Variants in OVOL2 observed in about 807,000 individuals in gnomAD.
OVOL2 encodes ovo like zinc finger 2, also known as transcription factor Ovo-like 2.
In OVOL2, 13 loss-of-function variants were observed where a neutral mutation model predicts 18.1. The observed-to-expected ratio is 0.72, with a 90% CI of 0.47 to 1.14. The LOEUF is 1.14. Among genes scored for constraint, OVOL2 ranks in the 50% most tolerant of loss-of-function variants. The pLI is 0.00. For synonymous variants in OVOL2, 166 were observed against 162.7 expected, an observed-to-expected ratio of 1.02 and a Z score of -0.16; for missense variants, 335 against 383.0, an observed-to-expected ratio of 0.87 and a Z score of 1.05.
chr20:18,041,431 C>A, intron 3 of OVOL2, 103 bp downstream of exon 3: 1 of 1,356,270 alleles, frequency 7.4e-7, no homozygotes, highest in Admixed American at 2.3e-5. Context: ...TCTAGAAACA[C>A]AACATTGTTC....
Position 18,056,530 on chromosome 20 carries a change from C to A in OVOL2, c.321+127G>T. ...CCCAGGGGCAGGTGCAGGAGCGGCG[C>A]GGCGGGCGCGCTCGGGGCGCGGGTG... is the stretch of plus-strand genomic sequence containing the variant. On this transcript the variant is annotated intron_variant, in intron 2 of 3. Coordinates refer to ENST00000278780, the MANE Select transcript of OVOL2 (RefSeq NM_021220.4). The surrounding 1 kb of genome is among the most constrained non-coding windows in gnomAD (Gnocchi z 4.2). 1 of 1,042,296 alleles carries A rather than the reference C, an allele frequency of 9.6e-7. No homozygotes were observed. Among genetic ancestry groups the A allele is most frequent in the Non-Finnish European group, 1.2e-6 (1 of 868,420 alleles). The allele number at this position is 1,042,296 out of a possible 1,614,324, so 64.6% of individuals were successfully genotyped here. A position where few individuals can be genotyped will look rare whatever the true frequency, so the allele number is the denominator to read the frequency against.
chr20:18,024,823 T>A lies in OVOL2; in HGVS notation c.641A>T (p.Tyr214Phe), dbSNP rs1190962010. Residue 214 changes from tyrosine to phenylalanine, a missense_variant, in exon 4 of 4, where the codon TAC (tyrosine) becomes TTC (phenylalanine). Transcript: ENST00000278780. ...YAYKQRRDKL[Y>F]VCEDCGYTGP... ...CGTGTAGCCGCAATCCTCGCAGACG[T>A]AGAGCTTGTCCCGCCGCTGCTTATA... is the stretch of plus-strand genomic sequence containing the variant. 6.2e-7 allele frequency: 1 copy of A among 1,614,168 alleles called. No homozygotes were observed. Among genetic ancestry groups the A allele is most frequent in the East Asian group, 2.2e-5 (1 of 44,888 alleles).
chr20:18,045,940 C>T (rs1356303302), intron 2 of OVOL2, among the ~76,000 whole-genome samples: 3 of 152,150 alleles, frequency 2.0e-5, no homozygotes, highest in Non-Finnish European at 4.4e-5. Context: ...CATTTCTCCC[C>T]ATTTCACAGC....
intron 3 of OVOL2, among the ~76,000 whole-genome samples, chr20:18,029,930 T>C (rs898930741): frequency 6.6e-6 from 1 of 152,144 alleles, no homozygotes; most frequent in African/African-American, 2.4e-5. Flanking sequence ...CAGTGAGCCA[T>C]GATCGCACCA....
chr20:18,043,817 T>C (rs1049148559), intron 2 of OVOL2, among the ~76,000 whole-genome samples: 1 of 152,214 alleles, frequency 6.6e-6, no homozygotes, highest in Non-Finnish European at 1.5e-5. Context: ...ATAAAAATGA[T>C]GTGTTCAATT....
chr20:18,058,611 A>G (rs980864566), upstream of OVOL2, among the ~76,000 whole-genome samples: 2 of 151,254 alleles, frequency 1.3e-5, no homozygotes, highest in Non-Finnish European at 2.9e-5. Flanking sequence ...TATTATGCAA[A>G]TGCAGCTTCA....
At chr20:18,026,040 C>T (rs2036511703) in intron 3 of OVOL2, among the ~76,000 whole-genome samples, 2 of 152,198 alleles carry the variant, frequency 1.3e-5, no homozygotes, top group African/African-American at 4.8e-5. Flanking sequence ...AAAATCATTT[C>T]CAAACAAGAT....
intron 2 of OVOL2, among the ~76,000 whole-genome samples, chr20:18,048,778 G>A (rs1053953363): frequency 7.2e-5 from 11 of 152,108 alleles, no homozygotes; most frequent in South Asian, 2.1e-4. Context: ...CCTATCTCCC[G>A]TGACAGTGAA....
intron 3 of OVOL2, among the ~76,000 whole-genome samples, chr20:18,028,330 C>T (rs2036538337): frequency 1.3e-5 from 2 of 152,040 alleles, no homozygotes; most frequent in South Asian, 4.2e-4. Context: ...GTGCCCGCCA[C>T]AACAGCCATC....
upstream of OVOL2, among the ~76,000 whole-genome samples, chr20:18,058,410 C>CT (rs1043299847): frequency 1.4e-5 from 2 of 147,944 alleles, no homozygotes; most frequent in Non-Finnish European, 3.0e-5. Context: ...CAACACCCCC[C>CT]CCCCATAAGC....
intron 3 of OVOL2, among the ~76,000 whole-genome samples, chr20:18,031,274 T>C (rs1189001470): frequency 6.6e-6 from 1 of 152,210 alleles, no homozygotes; most frequent in Non-Finnish European, 1.5e-5. Context: ...GTCATAGCTC[T>C]TGCATGGCTG....
In OVOL2 at chr20:18,041,527, C is replaced by G; in HGVS notation, c.511+7G>C. Reference sequence around the variant, plus strand: ...AACAGAGAACAAAGCACGCACTCCCCGCTCACCTGTGTGTGTGCGGACGTG... The same window carrying G: ...AACAGAGAACAAAGCACGCACTCCCGGCTCACCTGTGTGTGTGCGGACGTG... On this transcript the variant is annotated splice_region_variant and intron_variant, in intron 3 of 3. Transcript: ENST00000278780. 6.2e-7 allele frequency: 1 copy of G among 1,605,082 alleles called. No homozygotes were observed. The highest frequency in any genetic ancestry group is 8.5e-7 in the Non-Finnish European group (1 of 1,172,756).
chr20:18,027,510 A>G (rs545511607), intron 3 of OVOL2, among the ~76,000 whole-genome samples: 28 of 140,980 alleles, frequency 2.0e-4, no homozygotes, highest in African/African-American at 6.6e-4. Flanking sequence ...CCTGCGCAAC[A>G]GAGCGCGACT....
intron 2 of OVOL2, among the ~76,000 whole-genome samples, chr20:18,048,639 G>A (rs1054440142): frequency 7.9e-5 from 12 of 151,868 alleles, no homozygotes; most frequent in East Asian, 1.9e-4. Context: ...GGTGGGGGGC[G>A]GCGGTTACAG....
At chr20:18,027,630 C>G (rs897346711) in intron 3 of OVOL2, among the ~76,000 whole-genome samples, 11 of 151,990 alleles carry the variant, frequency 7.2e-5, no homozygotes, top group African/African-American at 2.4e-4. Flanking sequence ...GAGACTCGCT[C>G]TGTCGCCCAG....
chr20:18,052,561 A>G (rs2036779973), intron 2 of OVOL2, among the ~76,000 whole-genome samples: 1 of 152,184 alleles, frequency 6.6e-6, no homozygotes, highest in South Asian at 2.1e-4. Flanking sequence ...GGTGGCAGAT[A>G]CGTATGACTA....
intron 3 of OVOL2, among the ~76,000 whole-genome samples, chr20:18,036,932 C>T (rs1182723384): frequency 6.6e-6 from 1 of 151,876 alleles, no homozygotes; most frequent in Admixed American, 6.6e-5. Context: ...GTCAGGAGAT[C>T]GAGACCATCC....
At chr20:18,039,239 T>C (rs79989027) in intron 3 of OVOL2, among the ~76,000 whole-genome samples, 19,492 of 152,296 alleles carry the variant, frequency 0.13, 1,380 homozygotes, top group Middle Eastern at 0.17. Context: ...GTGTTCACTT[T>C]GTAAAACTTC....
At chr20:18,046,372 A>G (rs1262026299) in intron 2 of OVOL2, among the ~76,000 whole-genome samples, 1 of 152,208 alleles carries the variant, frequency 6.6e-6, no homozygotes, top group Non-Finnish European at 1.5e-5. Context: ...GTAAGAGGCT[A>G]GAAGCAGTTC....
Sources: gnomAD v4.1 joint callset for allele counts (sites outside exome capture counted in the v4.1 genomes callset) on GRCh38, gnomAD v4.1.1 for gene constraint, Gnocchi (gnomAD v3.1) non-coding constraint, MANE v1.5 for transcripts, NCBI Gene and HGNC (gene_info 2026-07-23, HGNC 2026-07-21) for gene names.